Variants in MYO1B observed in about 807,000 individuals in gnomAD.
MYO1B encodes the protein unconventional myosin-Ib.
Under a neutral mutation model 159.7 loss-of-function variants are expected in MYO1B, and 72 were observed. That is an observed-to-expected ratio of 0.45 (90% confidence interval 0.37 to 0.55). The LOEUF (loss-of-function observed/expected upper bound fraction) is 0.55. Ranked by LOEUF, MYO1B falls within the 20% of genes least tolerant of loss-of-function variation. The probability of loss-of-function intolerance (pLI) is 0.00; values close to 1 mark genes in which losing one functional copy is unlikely to be tolerated. For synonymous variants in MYO1B, 468 were observed against 473.8 expected, an observed-to-expected ratio of 0.99 and a Z score of 0.16; for missense variants, 1,062 against 1,364.8, an observed-to-expected ratio of 0.78 and a Z score of 3.50.
intron 3 of MYO1B, among the ~76,000 whole-genome samples, chr2:191,318,082 CAAAAG>C (rs1205333428): frequency 2.0e-5 from 3 of 152,072 alleles, no homozygotes; most frequent in Non-Finnish European, 4.4e-5. Context: ...TTCCCACTCT[CAAAAG>C]AAACTGTAAA....
At chr2:191,247,626 G>A (rs938805555) in intron 1 of MYO1B, among the ~76,000 whole-genome samples, 6 of 152,196 alleles carry the variant, frequency 3.9e-5, no homozygotes, top group African/African-American at 1.4e-4. Context: ...GCTAACAGAG[G>A]GAGACTTTTT....
In MYO1B at chr2:191,255,784, C is replaced by G. The variant is rs562825960; in HGVS notation, c.-10+10158C>G. ...TGGGGCCACTGCCCACACCCCTACC[C>G]CCTCTGCATTTTGAGTATTGCCACT... On this transcript the variant is annotated intron_variant, in intron 1 of 30. Coordinates refer to ENST00000392318, the MANE Select transcript of MYO1B (RefSeq NM_001130158.3). 2.5e-3 allele frequency among the ~76,000 whole-genome samples: 371 copies of G among 149,132 alleles called. 4 individuals carry two copies. Among genetic ancestry groups the G allele is most frequent in the African/African-American group, 8.2e-3 (342 of 41,488 alleles).
At chr2:191,254,507 G>A (rs1164156469) in intron 1 of MYO1B, among the ~76,000 whole-genome samples, 1 of 151,644 alleles carries the variant, frequency 6.6e-6, no homozygotes, top group African/African-American at 2.4e-5. Flanking sequence ...ACCGCGCCCG[G>A]CCTCTTTTTT....
In MYO1B at chr2:191,326,788, G is replaced by A. The variant is rs918195265; in HGVS notation, c.252-3147G>A. On this transcript the variant is annotated intron_variant, in intron 3 of 30. Coordinates refer to ENST00000392318, the MANE Select transcript of MYO1B (RefSeq NM_001130158.3). ...TGTATATATGTGTGTGTGTGTGTGT[G>A]TGTGTGTGTGTGTGTGTGTGTGTGT... Among the ~76,000 whole-genome samples, 548 of 141,808 alleles carry A rather than the reference G, an allele frequency of 3.9e-3. 1 individual carries two copies. The highest frequency in any genetic ancestry group is 0.016 in the African/African-American group (527 of 33,130). 93.0% of individuals were successfully genotyped at this position (141,808 alleles called of 152,430 possible). A position where few individuals can be genotyped will look rare whatever the true frequency, so the allele number is the denominator to read the frequency against.
At chr2:191,297,184 A>G (rs1207944899) in intron 3 of MYO1B, among the ~76,000 whole-genome samples, 1 of 152,206 alleles carries the variant, frequency 6.6e-6, no homozygotes, top group Non-Finnish European at 1.5e-5. Flanking sequence ...GGGCCAAGTC[A>G]TGTAATGAGT....
chr2:191,328,716 A>G (rs548706547), intron 3 of MYO1B, among the ~76,000 whole-genome samples: 27 of 152,176 alleles, frequency 1.8e-4, no homozygotes, highest in African/African-American at 6.3e-4. Flanking sequence ...TCTCTTCATT[A>G]TGCTTTGCTT....
At chr2:191,261,776 A>C (rs1456035138) in intron 1 of MYO1B, among the ~76,000 whole-genome samples, 2 of 152,118 alleles carry the variant, frequency 1.3e-5, no homozygotes, top group South Asian at 2.1e-4. Flanking sequence ...GACTTGGAGG[A>C]TGATGCCTTG....
chr2:191,280,947 G>T lies in MYO1B; in HGVS notation c.135+3917G>T, dbSNP rs539818066. On this transcript the variant is annotated intron_variant, in intron 2 of 30. Coordinates refer to ENST00000392318, the MANE Select transcript of MYO1B (RefSeq NM_001130158.3). ...TTGCTTCTCAGACTTTTCTGCTGGT[G>T]AACTTCTAATGGCAGAGAAGAGTAA... is the stretch of plus-strand genomic sequence containing the variant. Among the ~76,000 whole-genome samples the T allele has an allele frequency of 2.6e-5, 4 of 152,304 alleles. No individual in the cohort carries two copies. The South Asian group carries it at 8.3e-4, about 32-fold the overall frequency.
chr2:191,253,061 G>GGA (rs1686219045), intron 1 of MYO1B, among the ~76,000 whole-genome samples: 2 of 148,930 alleles, frequency 1.3e-5, no homozygotes, highest in Non-Finnish European at 1.5e-5. Flanking sequence ...TAGTAAGTTG[G>GGA]AAAAAAAAAC....
chr2:191,356,818 G>A (rs1429859614), intron 7 of MYO1B, among the ~76,000 whole-genome samples: 1 of 152,132 alleles, frequency 6.6e-6, no homozygotes, highest in Non-Finnish European at 1.5e-5. Flanking sequence ...TATGCTTGTT[G>A]TTTAATGTAT....
intron 3 of MYO1B, among the ~76,000 whole-genome samples, chr2:191,306,950 A>G (rs1455470264): frequency 6.6e-6 from 1 of 152,212 alleles, no homozygotes; most frequent in Non-Finnish European, 1.5e-5. Context: ...TGGGTGTCCA[A>G]CAGTTCAGTT....
rs931385446 is a variant in MYO1B, at chr2:191,402,715, G to A, written c.2553G>A (p.Leu851=). Residue 851 remains leucine (L), a synonymous_variant, in exon 24 of 31, where the codon CTG becomes CTA. Transcript: ENST00000392318. Reference sequence around the variant, plus strand: ...TCATTTGGGCTTACTGGCTTGGACTGAAGGTACTTCCTCAACCACTTGTTT... The same window carrying A: ...TCATTTGGGCTTACTGGCTTGGACTAAAGGTACTTCCTCAACCACTTGTTT... ...VAVIWAYWLG[L]KVRREYRKFF... 1.9e-6 allele frequency: 3 copies of A among 1,611,482 alleles called. No individual in the cohort carries two copies. Among genetic ancestry groups the A allele is most frequent in the East Asian group, 2.2e-5 (1 of 44,864 alleles).
chr2:191,277,403 C>T (rs1687818012), intron 2 of MYO1B, among the ~76,000 whole-genome samples: 1 of 152,100 alleles, frequency 6.6e-6, no homozygotes, highest in Admixed American at 6.5e-5. Context: ...AAATGCAAGG[C>T]AGTAAACTGT....
chr2:191,340,852 A>C (rs1333949757), intron 4 of MYO1B, among the ~76,000 whole-genome samples: 1 of 151,982 alleles, frequency 6.6e-6, no homozygotes, highest in South Asian at 2.1e-4. Flanking sequence ...CAGCCTCCCA[A>C]GTAGTTGGGA....
chr2:191,337,252 T>C (rs972404516), intron 4 of MYO1B, among the ~76,000 whole-genome samples: 1 of 152,242 alleles, frequency 6.6e-6, no homozygotes, highest in Admixed American at 6.5e-5. Context: ...TCACAATGCT[T>C]TATTTCATTA....
chr2:191,267,180 A>G (rs1687195524), intron 1 of MYO1B, among the ~76,000 whole-genome samples: 1 of 152,088 alleles, frequency 6.6e-6, no homozygotes, highest in South Asian at 2.1e-4. Flanking sequence ...ACAGCTTTTT[A>G]AGGTTGGAGT....
intron 3 of MYO1B, among the ~76,000 whole-genome samples, chr2:191,319,755 C>T (rs998730817): frequency 6.6e-6 from 1 of 152,112 alleles, no homozygotes; most frequent in African/African-American, 2.4e-5. Flanking sequence ...CAGAGTACTC[C>T]TTTGAACCAT....
chr2:191,300,339 ATTTTTTT>A (rs35917445), intron 3 of MYO1B, among the ~76,000 whole-genome samples: 2 of 140,900 alleles, frequency 1.4e-5, no homozygotes, highest in African/African-American at 5.4e-5. Flanking sequence ...TTACTTGTCA[ATTTTTTT>A]TTTTTTTTTT....
intron 17 of MYO1B, chr2:191,388,218 A>T (rs769599411): frequency 1.1e-4 from 17 of 151,348 alleles, no homozygotes; most frequent in Non-Finnish European, 2.4e-4. Flanking sequence ...CAGAGGTTGC[A>T]GTGAGCCGAG....
Sources: gnomAD v4.1 joint callset for allele counts (sites outside exome capture counted in the v4.1 genomes callset) on GRCh38, gnomAD v4.1.1 for gene constraint, MANE v1.5 for transcripts, NCBI Gene and HGNC (gene_info 2026-07-23, HGNC 2026-07-21) for gene names.